XIRP2: variants seen among roughly 807,000 people sequenced by gnomAD.
XIRP2 encodes xin actin binding repeat containing 2.
XIRP2 carries 236 observed loss-of-function variants against 277.0 expected under a neutral mutation model. That is an observed-to-expected ratio of 0.85 (90% confidence interval 0.77 to 0.95). The LOEUF (loss-of-function observed/expected upper bound fraction) is 0.95, where lower values mean the gene tolerates loss of function less well. Ranked by LOEUF, XIRP2 falls within the 40% of genes least tolerant of loss-of-function variation. The pLI is 0.00. For missense variants in XIRP2, 4,640 were observed against 4,157.5 expected (o/e 1.12, Z -3.19); for synonymous variants, 1,490 against 1,416.5 (o/e 1.05, Z -1.17).
At chr2:166,891,767 A>G (rs989314961) in intron 1 of XIRP2, among the ~76,000 whole-genome samples, 18 of 152,332 alleles carry the variant, frequency 1.2e-4, no homozygotes, top group African/African-American at 4.1e-4. Flanking sequence ...ATGTAACCAA[A>G]GCATGAAAAT....
chr2:167,152,432 G>T, intron 3 of XIRP2, among the ~76,000 whole-genome samples: 1 of 151,782 alleles, frequency 6.6e-6, no homozygotes. Flanking sequence ...AAGCACTCAC[G>T]TTCAACAATT....
At chr2:167,171,063 C>T (rs1286148482) in intron 3 of XIRP2, among the ~76,000 whole-genome samples, 1 of 151,886 alleles carries the variant, frequency 6.6e-6, no homozygotes, top group Non-Finnish European at 1.5e-5. Context: ...CCATACCCAG[C>T]TAATTTTTGT....
intron 5 of XIRP2, among the ~76,000 whole-genome samples, chr2:167,238,434 A>G (rs188188839): frequency 2.9e-3 from 443 of 152,238 alleles, no homozygotes; most frequent in Middle Eastern, 6.8e-3. Context: ...AGAAAAGCAT[A>G]AGATCAGATT....
intron 2 of XIRP2, among the ~76,000 whole-genome samples, chr2:167,065,578 T>A (rs932212454): frequency 1.3e-5 from 2 of 151,860 alleles, no homozygotes; most frequent in Admixed American, 1.3e-4. Context: ...TGGTGTTATA[T>A]CCAAGAAGTT....
intron 2 of XIRP2, among the ~76,000 whole-genome samples, chr2:166,938,058 T>C (rs989144750): frequency 5.9e-5 from 9 of 152,272 alleles, no homozygotes; most frequent in Non-Finnish European, 5.9e-5. Flanking sequence ...CCTGGATTCA[T>C]TGATTTTTTG....
At chr2:166,936,332 A>G (rs1685500426) in intron 2 of XIRP2, among the ~76,000 whole-genome samples, 1 of 152,076 alleles carries the variant, frequency 6.6e-6, no homozygotes, top group South Asian at 2.1e-4. Flanking sequence ...AGATGAGTAG[A>G]TTGCAAAAAT....
chr2:167,013,303 A>G (rs116435702), intron 2 of XIRP2, among the ~76,000 whole-genome samples: 2,086 of 151,556 alleles, frequency 0.014, 48 homozygotes, highest in African/African-American at 0.047. Flanking sequence ...TTCTAAAATT[A>G]TGGTATATTA....
At chr2:166,974,096 G>T (rs1301040037) in intron 2 of XIRP2, among the ~76,000 whole-genome samples, 2 of 152,272 alleles carry the variant, frequency 1.3e-5, no homozygotes, top group East Asian at 3.9e-4. Flanking sequence ...CTGGGTGATA[G>T]GTTTCAACTT....
chr2:166,967,108 A>T (rs1008533226), intron 2 of XIRP2, among the ~76,000 whole-genome samples: 3 of 151,930 alleles, frequency 2.0e-5, no homozygotes, highest in Admixed American at 2.0e-4. Context: ...TACCCTTCAT[A>T]GTTGTCAGAA....
chr2:167,258,491 A>G lies in XIRP2; in HGVS notation c.*674A>G, dbSNP rs757326440. On this transcript the variant is annotated 3_prime_UTR_variant, in exon 11 of 11. Transcript: ENST00000409195. ...TAGGCCGAGTGAAGCTGAAGACACAAAGAGTAACAGGAAAAGTGCTATGGA... is the reference window on the plus strand; with the variant it reads ...TAGGCCGAGTGAAGCTGAAGACACAGAGAGTAACAGGAAAAGTGCTATGGA... The G allele has an allele frequency of 1.9e-6, 3 of 1,613,264 alleles. No homozygotes were observed. The highest frequency in any genetic ancestry group is 2.2e-5 in the South Asian group (2 of 91,042).
chr2:166,987,894 A>G (rs535292194), intron 2 of XIRP2, among the ~76,000 whole-genome samples: 1 of 152,240 alleles, frequency 6.6e-6, no homozygotes, highest in African/African-American at 2.4e-5. Context: ...AACATGAATA[A>G]GAAATTGAAT....
intron 3 of XIRP2, among the ~76,000 whole-genome samples, chr2:167,147,622 C>T (rs1199072045): frequency 1.3e-5 from 2 of 152,296 alleles, no homozygotes; most frequent in Non-Finnish European, 2.9e-5. Context: ...CATTTTGTCT[C>T]ACATTGTTGG....
chr2:167,193,675 CA>C (rs953854149), intron 3 of XIRP2, among the ~76,000 whole-genome samples: 21 of 152,112 alleles, frequency 1.4e-4, no homozygotes, highest in Admixed American at 3.3e-4. Flanking sequence ...GCTAGGAGTT[CA>C]ACACCAGCCT....
At chr2:167,059,547 A>G (rs190850890) in intron 2 of XIRP2, among the ~76,000 whole-genome samples, 1 of 152,066 alleles carries the variant, frequency 6.6e-6, no homozygotes, top group Non-Finnish European at 1.5e-5. Context: ...CAATCATTCC[A>G]TAAGAACTAG....
chr2:167,117,186 T>C (rs1220745189), intron 2 of XIRP2, among the ~76,000 whole-genome samples: 2 of 151,908 alleles, frequency 1.3e-5, no homozygotes, highest in African/African-American at 2.4e-5. Flanking sequence ...GATAACTAAA[T>C]GCTTTGTTTT....
intron 3 of XIRP2, among the ~76,000 whole-genome samples, chr2:167,149,298 A>G (rs1691946100): frequency 6.6e-6 from 1 of 152,210 alleles, no homozygotes; most frequent in South Asian, 2.1e-4. Flanking sequence ...TTCTGGAAGC[A>G]CATGCTTTCA....
chr2:166,915,552 A>G (rs1157460493), intron 2 of XIRP2, among the ~76,000 whole-genome samples: 1 of 152,162 alleles, frequency 6.6e-6, no homozygotes. Flanking sequence ...TGAAGCTTCC[A>G]GTTGCTGTCC....
chr2:167,203,599 T>C (rs73970890), intron 3 of XIRP2, among the ~76,000 whole-genome samples: 5,230 of 152,274 alleles, frequency 0.034, 302 homozygotes, highest in African/African-American at 0.12. Context: ...TTCTTCTCCA[T>C]GTTTTTTAAG....
chr2:166,956,169 T>C (rs779913252), intron 2 of XIRP2, among the ~76,000 whole-genome samples: 1 of 151,810 alleles, frequency 6.6e-6, no homozygotes, highest in Non-Finnish European at 1.5e-5. Flanking sequence ...GCTGTTTGTG[T>C]GTGAAAGGAA....
Sources: allele counts gnomAD v4.1 joint callset (sites outside exome capture counted in the v4.1 genomes callset), GRCh38; gene constraint gnomAD v4.1.1; transcripts MANE v1.5; gene names NCBI Gene and HGNC (gene_info 2026-07-23, HGNC 2026-07-21).